The following LRRN2 variants were observed in gnomAD, a reference collection of about 807,000 sequenced individuals.
LRRN2 encodes leucine-rich repeat neuronal protein 2.
Under a neutral mutation model 35.7 loss-of-function variants are expected in LRRN2, and 10 were observed. The observed-to-expected ratio is 0.28, with a 90% CI of 0.17 to 0.47. LRRN2 has a LOEUF of 0.47. LRRN2 is among the 20% of genes least tolerant of loss of function. The pLI is 0.99. For synonymous variants in LRRN2, 391 were observed against 409.6 expected (o/e 0.95, Z 0.55); for missense variants, 731 against 940.3 (o/e 0.78, Z 2.91).
chr1:204,623,946 G>C (rs1439111018), intron 1 of LRRN2, among the ~76,000 whole-genome samples: 1 of 152,206 alleles, frequency 6.6e-6, no homozygotes. Flanking sequence ...TTTTGCCAGG[G>C]AGGCAACTGA....
chr1:204,650,209 G>A (rs1488910085), intron 1 of LRRN2, among the ~76,000 whole-genome samples: 2 of 152,236 alleles, frequency 1.3e-5, no homozygotes, highest in Non-Finnish European at 2.9e-5. Context: ...GGAGGGAGCA[G>A]GAATCACTTA....
At position 204,618,692 on chromosome 1, in the gene LRRN2, T is replaced by C. The variant is rs747200295; in HGVS notation, c.1301A>G (p.Gln434Arg). The change falls in exon 2 of 2, where the codon CAG (glutamine) becomes CGG (arginine). Residue 434 changes from glutamine to arginine, a missense_variant. Gln to Arg is a conservative substitution (Grantham distance 43). This residue lies in a region of LRRN2 where 256 missense variants were observed against 392.4 expected (regional missense o/e 0.65). Transcript: ENST00000367177. The stretch of plus-strand genomic sequence containing the variant: ...CACCATGCTCTCTCCACTGGCTACC[T>C]GGAGGCTTGGGGGGAAGCTTCGTGG... Reference protein sequence around the residue: ...ISPRSFPPSLQVASGESMVLH... With the variant: ...ISPRSFPPSLRVASGESMVLH... 2 of 1,599,552 alleles carry C rather than the reference T, an allele frequency of 1.3e-6. No individual in the cohort carries two copies. The highest frequency in any genetic ancestry group is 3.4e-5 in the Admixed American group (2 of 59,380).
chr1:204,677,137 A>G (rs769998908), intron 1 of LRRN2, among the ~76,000 whole-genome samples: 12 of 152,226 alleles, frequency 7.9e-5, no homozygotes, highest in Non-Finnish European at 1.8e-4. Context: ...AGGCTCGGAA[A>G]GGTTAAGATG....
intron 1 of LRRN2, among the ~76,000 whole-genome samples, chr1:204,639,913 TACAC>T (rs1304525854): frequency 1.3e-5 from 2 of 152,160 alleles, no homozygotes; most frequent in African/African-American, 4.8e-5. Flanking sequence ...ATTATGATGT[TACAC>T]ACATACATAC....
intron 1 of LRRN2, among the ~76,000 whole-genome samples, chr1:204,622,589 A>C (rs1666983377): frequency 6.6e-6 from 1 of 152,158 alleles, no homozygotes; most frequent in South Asian, 2.1e-4. Flanking sequence ...AGGGGAACCC[A>C]GCTACCCAAG....
At chr1:204,631,262 ATATATATATATATATATATATATAT>A (rs1198769981) in intron 1 of LRRN2, among the ~76,000 whole-genome samples, 13 of 37,906 alleles carry the variant, frequency 3.4e-4, no homozygotes, top group South Asian at 2.1e-3. Context: ...TGTTCTATAT[ATATATATATATATATATATATATAT>A]ATATATATAT....
intron 1 of LRRN2, among the ~76,000 whole-genome samples, chr1:204,669,551 T>C (rs369876130): frequency 1.3e-5 from 2 of 152,292 alleles, no homozygotes; most frequent in South Asian, 2.1e-4. Context: ...ATACAGGACA[T>C]TGTGAGAGTG....
intron 1 of LRRN2, among the ~76,000 whole-genome samples, chr1:204,630,786 G>A (rs562960686): frequency 4.6e-5 from 7 of 152,202 alleles, no homozygotes; most frequent in Admixed American, 2.6e-4. Context: ...GGGCAGGCCG[G>A]TGGACAGTGT....
At chr1:204,666,872 G>C (rs975994747) in intron 1 of LRRN2, among the ~76,000 whole-genome samples, 1 of 139,416 alleles carries the variant, frequency 7.2e-6, no homozygotes, top group African/African-American at 2.6e-5. Flanking sequence ...TGAGGCCGGA[G>C]AATTGCTTGA....
intron 1 of LRRN2, among the ~76,000 whole-genome samples, chr1:204,660,958 C>T (rs1668460040): frequency 6.6e-6 from 1 of 152,104 alleles, no homozygotes; most frequent in South Asian, 2.1e-4. Flanking sequence ...GGTGACGGCT[C>T]CTGGGCCTCT....
chr1:204,655,253 A>G (rs1487562247), intron 1 of LRRN2, among the ~76,000 whole-genome samples: 1 of 152,180 alleles, frequency 6.6e-6, no homozygotes, highest in Non-Finnish European at 1.5e-5. Context: ...TCCCTACTTC[A>G]GGTCTCACCA....
chr1:204,667,089 G>A (rs183456635), intron 1 of LRRN2, among the ~76,000 whole-genome samples: 71 of 152,112 alleles, frequency 4.7e-4, no homozygotes, highest in Admixed American at 4.1e-3. Flanking sequence ...GACAGAGTGC[G>A]AGATGGGGTA....
At chr1:204,636,343 A>T (rs553572876) in intron 1 of LRRN2, among the ~76,000 whole-genome samples, 18 of 152,376 alleles carry the variant, frequency 1.2e-4, no homozygotes, top group African/African-American at 4.3e-4. Context: ...CACTAAAAGA[A>T]GGATGATCAT....
At chr1:204,664,495 C>T (rs1225176570) in intron 1 of LRRN2, 1 of 152,272 alleles carries the variant, frequency 6.6e-6, no homozygotes, top group African/African-American at 2.4e-5. Flanking sequence ...TTCTCTCTCC[C>T]TCCACTCTGA....
At chr1:204,682,616 A>T (rs1264396517) in intron 1 of LRRN2, among the ~76,000 whole-genome samples, 1 of 152,194 alleles carries the variant, frequency 6.6e-6, no homozygotes, top group Non-Finnish European at 1.5e-5. Flanking sequence ...GACTGAACAG[A>T]ATAACTTTTG....
intron 1 of LRRN2, among the ~76,000 whole-genome samples, chr1:204,625,505 G>A (rs569457013): frequency 2.6e-5 from 4 of 151,502 alleles, no homozygotes; most frequent in African/African-American, 7.2e-5. Flanking sequence ...ATACATAAAT[G>A]TCCCTGATCC....
chr1:204,678,155 G>A lies in LRRN2; in HGVS notation c.-227+7165C>T, dbSNP rs530699555. Among the ~76,000 whole-genome samples, 80 of 152,284 alleles carry A rather than the reference G, an allele frequency of 5.3e-4. 4 individuals carry two copies. In the South Asian group the frequency reaches 0.017, roughly 32 times the overall value. ...TAACATTTATAGTCTAAATCACACA[G>A]TTTAGCACTCGGTTTTAAATACTGT... On this transcript the variant is annotated intron_variant, in intron 1 of 1. Transcript: ENST00000367177.
intron 1 of LRRN2, among the ~76,000 whole-genome samples, chr1:204,658,132 C>A (rs970472860): frequency 2.6e-5 from 4 of 152,026 alleles, no homozygotes; most frequent in African/African-American, 9.7e-5. Context: ...CACGTGCCAC[C>A]ATGCCTGGCT....
intron 1 of LRRN2, among the ~76,000 whole-genome samples, chr1:204,670,479 G>T (rs974150503): frequency 1.3e-5 from 2 of 152,100 alleles, no homozygotes; most frequent in African/African-American, 4.8e-5. Context: ...AAGGATATGG[G>T]GCTCAGAAGA....
Sources: allele counts gnomAD v4.1 joint callset (sites outside exome capture counted in the v4.1 genomes callset), GRCh38; gene constraint gnomAD v4.1.1; regional missense constraint gnomAD v4.1.1; transcripts MANE v1.5; gene names NCBI Gene and HGNC (gene_info 2026-07-23, HGNC 2026-07-21).